Variants in AFF1 observed in about 807,000 individuals in gnomAD.
AFF1 encodes the protein AF4/FMR2 family member 1.
In AFF1, 48 loss-of-function variants were observed where a neutral mutation model predicts 121.7. The observed-to-expected ratio is 0.39, with a 90% confidence interval of 0.31 to 0.50. AFF1 has a LOEUF of 0.50. AFF1 is among the 20% of genes least tolerant of loss of function. The pLI is 0.76. For synonymous variants in AFF1, 613 were observed against 563.0 expected (o/e 1.09, Z -1.26); for missense variants, 1,523 against 1,511.7 (o/e 1.01, Z -0.12).
intron 2 of AFF1, among the ~76,000 whole-genome samples, chr4:87,030,555 C>A (rs968706867): frequency 6.6e-6 from 1 of 152,110 alleles, no homozygotes; most frequent in Non-Finnish European, 1.5e-5. Flanking sequence ...ATTTTACTTA[C>A]AAGTCTGAAA....
At chr4:86,953,870 A>G (rs1174235626) in intron 2 of AFF1, among the ~76,000 whole-genome samples, 2 of 151,828 alleles carry the variant, frequency 1.3e-5, no homozygotes, top group African/African-American at 2.4e-5. Context: ...CACCACGCCC[A>G]GCTAATTTTT....
rs762963157 is a variant in AFF1 at position 87,127,041 on chromosome 4, A to G, written c.2827A>G (p.Thr943Ala). ...SSEHKGSSGDTANPFPVPSLP... is the reference protein window; with the variant it reads ...SSEHKGSSGDAANPFPVPSLP... ...TTTTTTGAAGGGTTCTTCCGGAGAT[A>G]CTGCAAATCCTTTTCCAGTGCCTTC... is the stretch of plus-strand genomic sequence containing the variant. Residue 943 changes from threonine to alanine, a missense_variant, in exon 15 of 21, where the codon ACT becomes GCT. Thr to Ala is a moderately conservative substitution (Grantham distance 58). This residue lies in a region of AFF1 where 905 missense variants were observed against 842.5 expected (regional missense o/e 1.07). Coordinates refer to ENST00000395146, the MANE Select transcript of AFF1 (RefSeq NM_001166693.3). 4 of 1,613,660 alleles carry G rather than the reference A, an allele frequency of 2.5e-6. No individual in the cohort carries two copies. In the East Asian group the frequency reaches 8.9e-5, roughly 36 times the overall value.
chr4:87,071,480 C>A (rs190300873), intron 4 of AFF1, among the ~76,000 whole-genome samples: 10 of 152,210 alleles, frequency 6.6e-5, no homozygotes, highest in Admixed American at 1.3e-4. Context: ...TGCTGTATGC[C>A]AGTTAAAGAA....
At chr4:87,059,177 C>T in intron 4 of AFF1, among the ~76,000 whole-genome samples, 1 of 152,340 alleles carries the variant, frequency 6.6e-6, no homozygotes, top group Non-Finnish European at 1.5e-5. Flanking sequence ...GATTTTCTAG[C>T]CTAAAACTCT....
At chr4:86,987,791 A>G (rs1452600774) in intron 2 of AFF1, among the ~76,000 whole-genome samples, 1 of 152,024 alleles carries the variant, frequency 6.6e-6, no homozygotes, top group African/African-American at 2.4e-5. Context: ...CATCTCTACT[A>G]AAAATACAAA....
At chr4:87,134,819 T>C (rs759305199) in intron 20 of AFF1, 125 bp downstream of exon 20, 13 of 875,428 alleles carry the variant, frequency 1.5e-5, no homozygotes, top group Non-Finnish European at 2.2e-5. Context: ...TTACTTTAAT[T>C]ATATTTTCTC....
intron 2 of AFF1, among the ~76,000 whole-genome samples, chr4:86,990,321 T>TA (rs5860049): frequency 0.017 from 2,260 of 132,220 alleles, 16 homozygotes; most frequent in African/African-American, 0.021. Context: ...TGTCCCTATT[T>TA]AAAAAAAAAA....
chr4:87,022,543 GATATATATATATATATATAT>G (rs1156817444), intron 2 of AFF1, among the ~76,000 whole-genome samples: 6,012 of 80,122 alleles, frequency 0.075, 565 homozygotes, highest in African/African-American at 0.24. Flanking sequence ...CGTGCTTACA[GATATATATATATATATATAT>G]ATATATATAT....
Position 87,084,659 on chromosome 4 carries a change from A to C in AFF1, c.1104+495A>C, listed in dbSNP as rs1723542397. On this transcript the variant is annotated intron_variant, in intron 5 of 20. Coordinates refer to ENST00000395146, the MANE Select transcript of AFF1 (RefSeq NM_001166693.3). ...CCTTTTAACCATTTCTCCCCCACTC[A>C]TCTCCAAAGGCAAAAATAAACCAGA... is the stretch of plus-strand genomic sequence containing the variant. Among the ~76,000 whole-genome samples the C allele has an allele frequency of 8.5e-5, 13 of 152,356 alleles. No homozygotes were observed. The South Asian group carries it at 2.7e-3, about 32-fold the overall frequency.
chr4:87,081,107 G>A (rs1360130205), intron 4 of AFF1, among the ~76,000 whole-genome samples: 5 of 150,950 alleles, frequency 3.3e-5, no homozygotes, highest in Non-Finnish European at 7.4e-5. Context: ...AAGGTATGTG[G>A]GAAATCCTCC....
chr4:87,060,764 G>C (rs532004710), intron 4 of AFF1, among the ~76,000 whole-genome samples: 9 of 148,042 alleles, frequency 6.1e-5, no homozygotes, highest in Non-Finnish European at 1.0e-4. Flanking sequence ...GCTTGAACCT[G>C]GGAGGCGGAG....
At chr4:87,000,493 A>G (rs1443900106) in intron 2 of AFF1, among the ~76,000 whole-genome samples, 2 of 152,176 alleles carry the variant, frequency 1.3e-5, no homozygotes, top group African/African-American at 2.4e-5. Context: ...CAAGTGGTCA[A>G]TGGTAGTGTA....
chr4:86,952,762 C>T (rs1721449882), intron 2 of AFF1, among the ~76,000 whole-genome samples: 1 of 151,038 alleles, frequency 6.6e-6, no homozygotes, highest in Non-Finnish European at 1.5e-5. Flanking sequence ...GATCTTGGCC[C>T]CTCTGCCTCC....
At chr4:87,063,458 C>T (rs11946481) in intron 4 of AFF1, among the ~76,000 whole-genome samples, 63,238 of 151,544 alleles carry the variant, frequency 0.42, 13,645 homozygotes, top group African/African-American at 0.53. Flanking sequence ...AGGCTGTTCT[C>T]GAACTCCCAG....
At chr4:86,969,945 A>C (rs1026748308) in intron 2 of AFF1, among the ~76,000 whole-genome samples, 1 of 150,962 alleles carries the variant, frequency 6.6e-6, no homozygotes, top group Admixed American at 6.6e-5. Flanking sequence ...ATAGTATACA[A>C]ATTACAGAAC....
At chr4:87,007,154 T>G in intron 2 of AFF1, 3 of 1,313,536 alleles carry the variant, frequency 2.3e-6, no homozygotes, top group Non-Finnish European at 2.9e-6. Context: ...CCCGGGCTCG[T>G]CTGAAGTGCA....
At chr4:87,084,601 T>TAAATAAAA (rs1168388255) in intron 5 of AFF1, among the ~76,000 whole-genome samples, 14 of 112,256 alleles carry the variant, frequency 1.2e-4, no homozygotes, top group African/African-American at 3.1e-4. Context: ...AATAAATAAA[T>TAAATAAAA]AAAAAATAAA....
chr4:87,021,624 G>A (rs1681294894), intron 2 of AFF1, among the ~76,000 whole-genome samples: 6 of 152,016 alleles, frequency 3.9e-5, no homozygotes, highest in Non-Finnish European at 8.8e-5. Flanking sequence ...ATCTTTTTTT[G>A]TAGTTCAGTA....
Position 87,084,121 on chromosome 4 carries a change from A to G in AFF1, c.1061A>G (p.Gln354Arg). 1 of 1,613,942 alleles carries G rather than the reference A, an allele frequency of 6.2e-7. No homozygotes were observed. Among genetic ancestry groups the G allele is most frequent in the South Asian group, 1.1e-5 (1 of 91,080 alleles). ...KLKMPSQSVE[Q>R]TYSNEVHCVE... ...TTATTTTTTGCTTTTCACTTTCAGC[A>G]GACCTACTCCAATGAAGTCCATTGT... The change falls in exon 5 of 21, where the codon CAG (glutamine) becomes CGG (arginine). Residue 354 changes from glutamine (Q) to arginine (R), a missense_variant and splice_region_variant. Gln to Arg is a conservative substitution (Grantham distance 43). Around this residue, in one of 5 missense-constraint regions of AFF1, gnomAD observed 905 missense variants for 842.5 expected, o/e 1.07. Coordinates refer to ENST00000395146, the MANE Select transcript of AFF1 (RefSeq NM_001166693.3).
Sources: allele counts gnomAD v4.1 joint callset (sites outside exome capture counted in the v4.1 genomes callset), GRCh38; gene constraint gnomAD v4.1.1; regional missense constraint gnomAD v4.1.1; transcripts MANE v1.5; gene names NCBI Gene and HGNC (gene_info 2026-07-23, HGNC 2026-07-21).